CFAP92: variants seen among roughly 807,000 people sequenced by gnomAD.
CFAP92 encodes the protein cilia and flagella associated protein 92 (putative), also known as uncharacterized protein CFAP92.
A neutral mutation model predicts 106.3 loss-of-function variants in CFAP92; 86 were observed. The observed-to-expected ratio is 0.81, with a 90% confidence interval of 0.68 to 0.97. The LOEUF (loss-of-function observed/expected upper bound fraction) is 0.97. CFAP92 is among the 50% of genes least tolerant of loss of function. The probability of loss-of-function intolerance (pLI) is 0.00; values close to 1 mark genes in which losing one functional copy is unlikely to be tolerated. For missense variants in CFAP92, 1,204 were observed against 1,283.8 expected (o/e 0.94, Z 0.95); for synonymous variants, 477 against 506.4 (o/e 0.94, Z 0.78).
intron 12 of CFAP92, among the ~76,000 whole-genome samples, chr3:128,927,104 AAGAG>A (rs893768334): frequency 7.2e-5 from 11 of 152,032 alleles, no homozygotes; most frequent in African/African-American, 1.2e-4. Flanking sequence ...AAAGAAAAAA[AAGAG>A]AGAGATATTA....
intron 9 of CFAP92, among the ~76,000 whole-genome samples, chr3:128,964,426 A>G (rs1269363968): frequency 1.3e-5 from 2 of 152,128 alleles, no homozygotes; most frequent in African/African-American, 4.8e-5. Context: ...TCATACTCCT[A>G]TTCACCGTTC....
rs1944370651 is a variant in CFAP92, at chr3:128,993,901, G to A, written c.-33+79C>T. The stretch of plus-strand genomic sequence containing the variant: ...CGCCGAAGAGGGAACACGCATCGAG[G>A]CGAGGCGGGAAGAGTCCCGGGCTGC... On this transcript the variant is annotated intron_variant, in intron 1 of 15. Transcript: ENST00000645291. 4 of 949,416 alleles carry A rather than the reference G, an allele frequency of 4.2e-6. No homozygotes were observed. The South Asian group carries it at 1.9e-4, about 45-fold the overall frequency. 58.8% of individuals were successfully genotyped at this position (949,416 alleles called of 1,614,324 possible).
chr3:128,916,966 A>C (rs1044674062), intron 12 of CFAP92, among the ~76,000 whole-genome samples: 2 of 152,206 alleles, frequency 1.3e-5, no homozygotes, highest in Admixed American at 6.5e-5. Flanking sequence ...ATTTTTTAGC[A>C]CAAGATGGTG....
At chr3:128,920,206 C>G (rs1487578680) in intron 12 of CFAP92, among the ~76,000 whole-genome samples, 1 of 152,284 alleles carries the variant, frequency 6.6e-6, no homozygotes, top group African/African-American at 2.4e-5. Flanking sequence ...GAGTTAGAGA[C>G]CAGCCTAACC....
chr3:128,921,652 A>G (rs1300235651), intron 12 of CFAP92, among the ~76,000 whole-genome samples: 1 of 152,230 alleles, frequency 6.6e-6, no homozygotes, highest in Non-Finnish European at 1.5e-5. Flanking sequence ...ACTACCATCA[A>G]TCAACAGAAA....
intron 8 of CFAP92, chr3:128,966,875 T>G (rs1942406118): frequency 6.6e-6 from 1 of 152,182 alleles, no homozygotes; most frequent in Non-Finnish European, 1.5e-5. Flanking sequence ...CAGCCCAGAA[T>G]GCTTTTTCTA....
At chr3:128,934,184 C>T (rs1938725034) in intron 11 of CFAP92, among the ~76,000 whole-genome samples, 1 of 152,184 alleles carries the variant, frequency 6.6e-6, no homozygotes, top group Non-Finnish European at 1.5e-5. Flanking sequence ...AGAGTGGGGA[C>T]TGGTGTGCCC....
At chr3:128,983,675 T>C (rs1384850164) in intron 4 of CFAP92, among the ~76,000 whole-genome samples, 1 of 152,120 alleles carries the variant, frequency 6.6e-6, no homozygotes, top group Non-Finnish European at 1.5e-5. Flanking sequence ...GAATTATAGA[T>C]AACATTTTTG....
At chr3:128,938,269 A>G (rs77080356) in intron 10 of CFAP92, among the ~76,000 whole-genome samples, 12,997 of 152,012 alleles carry the variant, frequency 0.085, 1,522 homozygotes, top group African/African-American at 0.27. Context: ...AGCTCAAAAA[A>G]ACGACAAAGT....
chr3:128,948,232 G>A (rs1360543452), intron 9 of CFAP92, among the ~76,000 whole-genome samples: 1 of 151,868 alleles, frequency 6.6e-6, no homozygotes, highest in African/African-American at 2.4e-5. Flanking sequence ...TTGCTCTGTT[G>A]CCCCGGGCTG....
intron 6 of CFAP92, 103 bp downstream of exon 6, chr3:128,976,876 A>T: frequency 2.3e-6 from 2 of 872,338 alleles, no homozygotes; most frequent in Non-Finnish European, 3.8e-6. Context: ...ATTGCATGAG[A>T]TCCAGTTTAA....
intron 9 of CFAP92, among the ~76,000 whole-genome samples, chr3:128,957,223 G>A (rs558819382): frequency 2.6e-4 from 39 of 152,262 alleles, no homozygotes; most frequent in Admixed American, 1.3e-3. Flanking sequence ...GTAGAACCAC[G>A]GGTAAACAAA....
chr3:129,015,940 G>A, the CFAP92 span, among the ~76,000 whole-genome samples: 6 of 152,242 alleles, frequency 3.9e-5, no homozygotes, highest in African/African-American at 7.2e-5. Flanking sequence ...CAGCGTGGCC[G>A]TGGCCTGATG....
intron 3 of CFAP92, 35 bp from the exon 4 acceptor site, chr3:128,987,864 G>C: frequency 6.5e-7 from 1 of 1,549,546 alleles, no homozygotes. Context: ...GTCAACTGGG[G>C]AAAGATGTGC....
chr3:128,923,589 G>A (rs1196811373), intron 12 of CFAP92, among the ~76,000 whole-genome samples: 2 of 152,188 alleles, frequency 1.3e-5, no homozygotes, highest in East Asian at 3.8e-4. Context: ...AAGGGAAGGG[G>A]GAAATATGTA....
Position 128,916,280 on chromosome 3 carries a change from A to C in CFAP92, c.2752-9T>G. ...GCTTCTGTGATATTTTTCTGAAGAA[A>C]GAGACACCAGTCACTACCCACACCA... On this transcript the variant is annotated splice_polypyrimidine_tract_variant and intron_variant, in intron 12 of 15. Coordinates refer to ENST00000645291, the MANE Select transcript of CFAP92 (RefSeq NM_001394090.1). 8.1e-7 allele frequency: 1 copy of C among 1,232,126 alleles called. No individual in the cohort carries two copies. The highest frequency in any genetic ancestry group is 1.0e-6 in the Non-Finnish European group (1 of 987,938). 76.3% of individuals were successfully genotyped at this position (1,232,126 alleles called of 1,614,324 possible).
intron 12 of CFAP92, among the ~76,000 whole-genome samples, chr3:128,927,007 T>C (rs868079347): frequency 1.3e-5 from 2 of 152,024 alleles, no homozygotes; most frequent in South Asian, 4.2e-4. Flanking sequence ...GGCAGGAGAA[T>C]GGTTTGAACC....
At chr3:128,970,882 C>G (rs1049831202) in intron 8 of CFAP92, 2 of 203,658 alleles carry the variant, frequency 9.8e-6, no homozygotes, top group African/African-American at 4.7e-5. Flanking sequence ...AGTGCCTGCA[C>G]CCAGAGGGGC....
chr3:129,002,386 G>T, intron 1 of CFAP92: 2 of 1,474,758 alleles, frequency 1.4e-6, no homozygotes, highest in East Asian at 5.6e-5. Flanking sequence ...CTAAAAGCTG[G>T]CTGGCTGCGG....
Sources: allele counts gnomAD v4.1 joint callset (sites outside exome capture counted in the v4.1 genomes callset), GRCh38; gene constraint gnomAD v4.1.1; transcripts MANE v1.5; gene names NCBI Gene and HGNC (gene_info 2026-07-23, HGNC 2026-07-21).